The following NIM1K variants were observed in gnomAD, a reference collection of about 807,000 sequenced individuals.
NIM1K encodes the protein serine/threonine-protein kinase NIM1.
Under a neutral mutation model 37.1 loss-of-function variants are expected in NIM1K, and 35 were observed. The ratio of observed to expected loss-of-function variants is 0.94; its 90% CI spans 0.72 to 1.25. The LOEUF (loss-of-function observed/expected upper bound fraction) is 1.25, where lower values mean the gene tolerates loss of function less well. NIM1K is among the 50% of genes most tolerant of loss of function. The pLI is 0.00. For synonymous variants in NIM1K, 234 were observed against 206.6 expected (o/e 1.13, Z -1.14); for missense variants, 564 against 548.0 (o/e 1.03, Z -0.29).
chr5:43,207,559 A>C, intron 1 of NIM1K: 1 of 690,906 alleles, frequency 1.4e-6, no homozygotes, highest in Non-Finnish European at 2.8e-6. Flanking sequence ...AAGATTCCAC[A>C]TGGGAGTTTC....
intron 1 of NIM1K, among the ~76,000 whole-genome samples, chr5:43,215,998 G>A (rs1262565487): frequency 1.3e-5 from 2 of 151,342 alleles, no homozygotes; most frequent in Non-Finnish European, 2.9e-5. Flanking sequence ...TGGGGATGCA[G>A]GCACTCCCCG....
intron 2 of NIM1K, among the ~76,000 whole-genome samples, chr5:43,248,233 T>C (rs1752813340): frequency 6.6e-6 from 1 of 152,196 alleles, no homozygotes; most frequent in African/African-American, 2.4e-5. Context: ...TGACATATAG[T>C]ACAGTTACCC....
At position 43,280,543 on chromosome 5, in the gene NIM1K, AG is replaced by A; in HGVS notation, c.1128del (p.Arg377GlufsTer30). The stretch of plus-strand genomic sequence containing the variant: ...CAGAAGAGCATATTCGAAATAACCA[AG>A]GGAGAGATGCTCGCAGCTCAATCAC... ...ITEEHIRNNQ[G>X]RDARSSITGV... On this transcript the variant is annotated frameshift_variant, in exon 4 of 4. Coordinates refer to ENST00000326035, the MANE Select transcript of NIM1K (RefSeq NM_153361.4). LOFTEE classifies it high-confidence loss of function. The A allele has an allele frequency of 3.1e-6, 5 of 1,614,188 alleles. No homozygotes were observed. Among genetic ancestry groups the A allele is most frequent in the Non-Finnish European group, 4.2e-6 (5 of 1,180,022 alleles).
intron 1 of NIM1K, among the ~76,000 whole-genome samples, chr5:43,218,077 T>C (rs975782749): frequency 6.6e-6 from 1 of 152,020 alleles, no homozygotes; most frequent in Non-Finnish European, 1.5e-5. Flanking sequence ...AGTGGCTCCA[T>C]CTGAGCTCAC....
intron 2 of NIM1K, among the ~76,000 whole-genome samples, chr5:43,273,215 T>G (rs1185678627): frequency 6.6e-6 from 1 of 151,818 alleles, no homozygotes; most frequent in Non-Finnish European, 1.5e-5. Flanking sequence ...TTTTTTTTCT[T>G]TTTTTTGAGG....
intron 1 of NIM1K, among the ~76,000 whole-genome samples, chr5:43,195,906 G>A (rs1046472841): frequency 4.6e-5 from 7 of 152,260 alleles, no homozygotes; most frequent in African/African-American, 1.7e-4. Flanking sequence ...TGAAAAGAGG[G>A]TTGCACAGAA....
chr5:43,232,382 G>C (rs182851985), intron 1 of NIM1K: 10 of 1,396,784 alleles, frequency 7.2e-6, no homozygotes, highest in Non-Finnish European at 1.0e-5. Flanking sequence ...GAAGTGGATG[G>C]GGGGATAGGC....
chr5:43,223,106 T>C (rs1196430680), intron 1 of NIM1K, among the ~76,000 whole-genome samples: 1 of 132,914 alleles, frequency 7.5e-6, no homozygotes, highest in Non-Finnish European at 1.5e-5. Context: ...GCCACTGCAC[T>C]CCAGCCGTGG....
At chr5:43,193,795 C>G (rs1579948454) in intron 1 of NIM1K, 1 of 152,272 alleles carries the variant, frequency 6.6e-6, no homozygotes, top group East Asian at 1.9e-4. Context: ...AACAGCACTT[C>G]TAATTCTGGT....
At chr5:43,266,521 T>C (rs369438809) in intron 2 of NIM1K, among the ~76,000 whole-genome samples, 2 of 152,174 alleles carry the variant, frequency 1.3e-5, no homozygotes, top group African/African-American at 4.8e-5. Flanking sequence ...CCTTCTGTCA[T>C]CACTTCCCTT....
intron 1 of NIM1K, among the ~76,000 whole-genome samples, chr5:43,234,843 CAG>C (rs1308408416): frequency 6.6e-6 from 1 of 152,010 alleles, no homozygotes; most frequent in Non-Finnish European, 1.5e-5. Flanking sequence ...CCATATTGGC[CAG>C]GCTGGTCTCA....
chr5:43,259,632 T>C (rs919556969), intron 2 of NIM1K, among the ~76,000 whole-genome samples: 9 of 152,156 alleles, frequency 5.9e-5, no homozygotes, highest in Non-Finnish European at 1.2e-4. Flanking sequence ...TGAGATCTTT[T>C]TTTGTTTTTT....
chr5:43,221,250 C>T (rs1016445528), intron 1 of NIM1K, among the ~76,000 whole-genome samples: 4 of 151,666 alleles, frequency 2.6e-5, no homozygotes, highest in Non-Finnish European at 5.9e-5. Context: ...TGTGGTGGGC[C>T]GATCACTTGA....
chr5:43,196,502 G>A (rs890160505), intron 1 of NIM1K, among the ~76,000 whole-genome samples: 1 of 151,772 alleles, frequency 6.6e-6, no homozygotes, highest in African/African-American at 2.4e-5. Context: ...AGGTGTGGTG[G>A]TGGGCGCCTG....
chr5:43,229,024 C>G (rs945785736), intron 1 of NIM1K, among the ~76,000 whole-genome samples: 1 of 152,074 alleles, frequency 6.6e-6, no homozygotes, highest in Admixed American at 6.6e-5. Context: ...GAATATAGTA[C>G]TTTTTAAAAC....
chr5:43,213,165 T>C (rs2877045), intron 1 of NIM1K, among the ~76,000 whole-genome samples: 1,781 of 39,030 alleles, frequency 0.046, 141 homozygotes, highest in African/African-American at 0.094. Context: ...TTCTTTCTTT[T>C]TTTCTTTCTT....
chr5:43,274,454 T>A (rs1561095835), intron 2 of NIM1K, among the ~76,000 whole-genome samples: 1 of 152,146 alleles, frequency 6.6e-6, no homozygotes, highest in African/African-American at 2.4e-5. Context: ...AGGGTGGAAT[T>A]CATTAATCTA....
chr5:43,268,211 C>G (rs1323855579), intron 2 of NIM1K, among the ~76,000 whole-genome samples: 1 of 152,186 alleles, frequency 6.6e-6, no homozygotes, highest in Admixed American at 6.5e-5. Flanking sequence ...TTGTAACCAC[C>G]TAACAGGTTA....
rs112922355 is a variant in NIM1K at position 43,213,656 on chromosome 5, G to A, written c.-695+21245G>A. Among the ~76,000 whole-genome samples, 225 of 152,234 alleles carry A rather than the reference G, an allele frequency of 1.5e-3. 3 individuals are homozygous for A. Among genetic ancestry groups the A allele is most frequent in the African/African-American group, 5.1e-3 (210 of 41,534 alleles). ...TTACAGGTGCCTGCCACCACGCCCG[G>A]CTTATTTTTGTATTTTTTTAGTAGA... On this transcript the variant is annotated intron_variant, in intron 1 of 3. Transcript: ENST00000326035.
Sources: allele counts gnomAD v4.1 joint callset (sites outside exome capture counted in the v4.1 genomes callset), GRCh38; gene constraint gnomAD v4.1.1; transcripts MANE v1.5; gene names NCBI Gene and HGNC (gene_info 2026-07-23, HGNC 2026-07-21).